CDH23: variants seen among roughly 807,000 people sequenced by gnomAD.
The protein encoded by CDH23 is cadherin-23.
Under a neutral mutation model 317.1 loss-of-function variants are expected in CDH23, and 189 were observed. The observed-to-expected ratio is 0.60, with a 90% CI of 0.53 to 0.67. The LOEUF (loss-of-function observed/expected upper bound fraction) is 0.67, where lower values mean the gene tolerates loss of function less well. CDH23 is among the 30% of genes least tolerant of loss of function. CDH23 has a pLI of 0.00. For synonymous variants in CDH23, 1,839 were observed against 1,876.8 expected, an observed-to-expected ratio of 0.98 and a Z score of 0.52; for missense variants, 4,401 against 4,592.4, an observed-to-expected ratio of 0.96 and a Z score of 1.20.
intron 3 of CDH23, among the ~76,000 whole-genome samples, chr10:71,491,223 T>G (rs1210336779): frequency 6.6e-6 from 1 of 152,124 alleles, no homozygotes; most frequent in African/African-American, 2.4e-5. Flanking sequence ...GGTGGCATGA[T>G]GGGGTTGGGG....
intron 6 of CDH23, among the ~76,000 whole-genome samples, chr10:71,534,774 A>G (rs902949515): frequency 6.6e-6 from 1 of 152,218 alleles, no homozygotes; most frequent in Non-Finnish European, 1.5e-5. Flanking sequence ...GTGCTGGAAG[A>G]TATGACAGGT....
At chr10:71,417,170 G>A (rs545741363) in intron 1 of CDH23, among the ~76,000 whole-genome samples, 6 of 151,436 alleles carry the variant, frequency 4.0e-5, no homozygotes, top group South Asian at 2.1e-4. Flanking sequence ...TCTGCTGCTC[G>A]GGTTCAAGTG....
chr10:71,772,032 G>A (rs1446701443), intron 38 of CDH23, among the ~76,000 whole-genome samples: 2 of 152,176 alleles, frequency 1.3e-5, no homozygotes, highest in Non-Finnish European at 2.9e-5. Context: ...GTTCCTTCTG[G>A]AAGCCATGCC....
rs936479651 is a variant in CDH23, at chr10:71,577,965, C to T, written c.805C>T (p.Arg269Trp). 3.1e-6 allele frequency: 5 copies of T among 1,603,962 alleles called. No homozygotes were observed. The highest frequency in any genetic ancestry group is 2.2e-5 in the East Asian group (1 of 44,456). Reference protein sequence around the residue: ...TAIDQDKGRPRGIGYTIVSGN... With the variant: ...TAIDQDKGRPWGIGYTIVSGN... ...CATAGACCAGGATAAAGGACGTCCCCGGGGCATTGGCTACACCATCGTTTC... is the reference window on the plus strand; with the variant it reads ...CATAGACCAGGATAAAGGACGTCCCTGGGGCATTGGCTACACCATCGTTTC... Residue 269 changes from arginine to tryptophan, a missense_variant, in exon 9 of 70, where the codon CGG (arginine) becomes TGG (tryptophan). By Grantham distance (101) the Arg-to-Trp change is moderately radical. Coordinates refer to ENST00000224721, the MANE Select transcript of CDH23 (RefSeq NM_022124.6).
chr10:71,724,286 G>A (rs1220803703), intron 29 of CDH23, among the ~76,000 whole-genome samples, 181 bp downstream of exon 29: 2 of 152,184 alleles, frequency 1.3e-5, no homozygotes, highest in African/African-American at 4.8e-5. Flanking sequence ...GGGTGAGGGG[G>A]AAGCTTTTTT....
intron 38 of CDH23, among the ~76,000 whole-genome samples, 152 bp from the exon 39 acceptor site, chr10:71,777,528 T>C (rs750042462): frequency 6.6e-6 from 1 of 152,150 alleles, no homozygotes; most frequent in Non-Finnish European, 1.5e-5. Context: ...GCTTTCTCTC[T>C]CTACCAGCCT....
At chr10:71,526,102 G>A (rs1855025465) in intron 6 of CDH23, among the ~76,000 whole-genome samples, 1 of 152,216 alleles carries the variant, frequency 6.6e-6, no homozygotes, top group Non-Finnish European at 1.5e-5. Flanking sequence ...ATCGCTGAGG[G>A]GGTGGAGCAG....
At chr10:71,780,544 G>T (rs369356396) in intron 41 of CDH23, among the ~76,000 whole-genome samples, 1 of 152,176 alleles carries the variant, frequency 6.6e-6, no homozygotes, top group Non-Finnish European at 1.5e-5. Context: ...GAAGCAAAAA[G>T]GCCTGCAGCT....
chr10:71,617,162 G>A (rs1861230413), intron 10 of CDH23, 43 bp from the exon 11 acceptor site: 12 of 1,582,792 alleles, frequency 7.6e-6, no homozygotes, highest in Non-Finnish European at 8.6e-6. Context: ...CTGTTGCTGT[G>A]ATTAGCTGCC....
chr10:71,648,340 G>A (rs1366457377), intron 14 of CDH23, among the ~76,000 whole-genome samples: 2 of 152,202 alleles, frequency 1.3e-5, no homozygotes, highest in Non-Finnish European at 2.9e-5. Flanking sequence ...ATCCCCCTTC[G>A]AAGGACTGGG....
chr10:71,459,079 C>T (rs1247079970), intron 3 of CDH23, among the ~76,000 whole-genome samples: 5 of 136,832 alleles, frequency 3.7e-5, no homozygotes, highest in Non-Finnish European at 7.8e-5. Context: ...AGCCACCACA[C>T]CTGGCCTTTT....
chr10:71,541,525 T>C (rs1413835902), intron 6 of CDH23, among the ~76,000 whole-genome samples: 1 of 152,228 alleles, frequency 6.6e-6, no homozygotes, highest in Non-Finnish European at 1.5e-5. Flanking sequence ...TGAGGAGCAC[T>C]GTGGAGAGTG....
At chr10:71,477,203 C>A (rs1002964273) in intron 3 of CDH23, among the ~76,000 whole-genome samples, 1 of 152,140 alleles carries the variant, frequency 6.6e-6, no homozygotes, top group South Asian at 2.1e-4. Flanking sequence ...GAGTCTTGCT[C>A]TATCACCCAG....
chr10:71,704,073 G>C (rs925792274), intron 24 of CDH23, among the ~76,000 whole-genome samples: 3 of 152,162 alleles, frequency 2.0e-5, no homozygotes, highest in African/African-American at 7.2e-5. Context: ...AGAGCTGTGC[G>C]CAAGTAAAGT....
intron 6 of CDH23, among the ~76,000 whole-genome samples, chr10:71,548,044 C>T (rs377336188): frequency 6.6e-6 from 1 of 152,188 alleles, no homozygotes; most frequent in African/African-American, 2.4e-5. Context: ...TGCGTGGTGA[C>T]GGAATGCATT....
At chr10:71,706,467 G>A (rs929296902) in intron 25 of CDH23, among the ~76,000 whole-genome samples, 5 of 152,186 alleles carry the variant, frequency 3.3e-5, no homozygotes, top group Non-Finnish European at 7.4e-5. Context: ...CTCCTAGGGT[G>A]CTCAGAGGGC....
At position 71,421,955 on chromosome 10, in the gene CDH23, A is replaced by T. The variant is rs554712968; in HGVS notation, c.-5-17872A>T. On this transcript the variant is annotated intron_variant, in intron 1 of 69. Transcript: ENST00000224721. ...AGAGGAAAGGCATCCTTATTAACCA[A>T]GTTGTCCAAAAGATGGAATGTGTCC... is the stretch of plus-strand genomic sequence containing the variant. Among the ~76,000 whole-genome samples the T allele has an allele frequency of 2.6e-5, 4 of 152,270 alleles. No homozygotes were observed. The East Asian group carries it at 7.7e-4, about 29-fold the overall frequency.
rs1424451958 is a variant in CDH23 at position 71,738,508 on chromosome 10, CTG to C, written c.4223_4224del (p.Val1408AlafsTer5). The C allele has an allele frequency of 6.2e-7, 1 of 1,613,894 alleles. No homozygotes were observed. Among genetic ancestry groups the C allele is most frequent in the Non-Finnish European group, 8.5e-7 (1 of 1,179,916 alleles). On this transcript the variant is annotated frameshift_variant, in exon 35 of 70. Coordinates refer to ENST00000224721, the MANE Select transcript of CDH23 (RefSeq NM_022124.6). LOFTEE classifies it high-confidence loss of function. ...CACGTTCACCCTCAGGTCTACATCA[CTG>C]TGCTGGACGAGAATGACAACAGCCC...
intron 9 of CDH23, among the ~76,000 whole-genome samples, chr10:71,596,630 A>G (rs987046161): frequency 2.6e-5 from 4 of 152,152 alleles, no homozygotes; most frequent in Non-Finnish European, 4.4e-5. Flanking sequence ...CTCTCCCTCC[A>G]GTGTGGCAGC....
Sources: allele counts gnomAD v4.1 joint callset (sites outside exome capture counted in the v4.1 genomes callset), GRCh38; gene constraint gnomAD v4.1.1; transcripts MANE v1.5; gene names NCBI Gene and HGNC (gene_info 2026-07-23, HGNC 2026-07-21).